Variants in PPFIA2 observed in about 807,000 individuals in gnomAD.
PPFIA2 encodes liprin-alpha-2.
In PPFIA2, 46 loss-of-function variants were observed where a neutral mutation model predicts 175.5. That is an observed-to-expected ratio of 0.26 (90% CI 0.21 to 0.34). PPFIA2 has a LOEUF of 0.34. PPFIA2 is among the 10% of genes least tolerant of loss of function. The probability of loss-of-function intolerance (pLI) is 1.00; values close to 1 mark genes in which losing one functional copy is unlikely to be tolerated. For synonymous variants in PPFIA2, 568 were observed against 511.4 expected (o/e 1.11, Z -1.49); for missense variants, 1,179 against 1,506.1 (o/e 0.78, Z 3.60).
intron 7 of PPFIA2, among the ~76,000 whole-genome samples, chr12:81,412,163 A>G (rs1174815583): frequency 6.6e-6 from 1 of 151,914 alleles, no homozygotes; most frequent in Non-Finnish European, 1.5e-5. Flanking sequence ...AATAACAAAG[A>G]CCATTAAATA....
At chr12:81,608,958 T>C (rs2060611911) in intron 4 of PPFIA2, among the ~76,000 whole-genome samples, 2 of 152,026 alleles carry the variant, frequency 1.3e-5, no homozygotes, top group Non-Finnish European at 2.9e-5. Flanking sequence ...TAACATTGCT[T>C]CAGTTGTATC....
intron 2 of PPFIA2, 78 bp downstream of exon 2, chr12:81,758,322 G>T (rs968557238): frequency 8.9e-6 from 4 of 450,734 alleles, no homozygotes; most frequent in Non-Finnish European, 1.8e-5. Flanking sequence ...CATCTTCCCT[G>T]GGGGCGGGGT....
chr12:81,645,749 G>A (rs544098069), intron 4 of PPFIA2, among the ~76,000 whole-genome samples: 270 of 152,304 alleles, frequency 1.8e-3, no homozygotes, highest in African/African-American at 6.3e-3. Flanking sequence ...GTAGTAGGGA[G>A]GCAAGTAACA....
At chr12:81,652,180 G>T (rs1483190436) in intron 4 of PPFIA2, among the ~76,000 whole-genome samples, 2 of 149,414 alleles carry the variant, frequency 1.3e-5, no homozygotes, top group Non-Finnish European at 3.0e-5. Context: ...TTTGTTTATA[G>T]CCTTCTTCAC....
chr12:81,624,925 A>G (rs4332596), intron 4 of PPFIA2, among the ~76,000 whole-genome samples: 69,241 of 150,840 alleles, frequency 0.46, 16,950 homozygotes, highest in Middle Eastern at 0.59. Context: ...ATTCACCACT[A>G]TGTAATTCAT....
chr12:81,566,871 T>C (rs138688026), intron 4 of PPFIA2, among the ~76,000 whole-genome samples: 4 of 152,322 alleles, frequency 2.6e-5, no homozygotes, highest in East Asian at 1.9e-4. Context: ...TACACTGACA[T>C]AGATGTATAT....
chr12:81,509,603 T>G (rs1212332327), intron 4 of PPFIA2, among the ~76,000 whole-genome samples: 1 of 87,860 alleles, frequency 1.1e-5, no homozygotes, highest in Non-Finnish European at 2.5e-5. Context: ...CCACCTAACC[T>G]TTTTTTTTTT....
At chr12:81,307,970 T>C (rs2049733390) in intron 22 of PPFIA2, among the ~76,000 whole-genome samples, 1 of 152,188 alleles carries the variant, frequency 6.6e-6, no homozygotes, top group African/African-American at 2.4e-5. Flanking sequence ...GCTTTATTTT[T>C]TTCTATTAAG....
intron 4 of PPFIA2, among the ~76,000 whole-genome samples, chr12:81,647,720 C>G (rs1016463669): frequency 2.0e-5 from 3 of 148,436 alleles, no homozygotes; most frequent in African/African-American, 7.5e-5. Flanking sequence ...AAGATCGTGC[C>G]ACTACACTCC....
At chr12:81,497,957 C>A (rs951903947) in intron 4 of PPFIA2, among the ~76,000 whole-genome samples, 1 of 152,146 alleles carries the variant, frequency 6.6e-6, no homozygotes, top group Non-Finnish European at 1.5e-5. Flanking sequence ...CTTTCCCAGG[C>A]CTTTCAATTA....
chr12:81,717,189 T>C (rs967480090), intron 3 of PPFIA2, among the ~76,000 whole-genome samples: 2 of 151,756 alleles, frequency 1.3e-5, no homozygotes, highest in Non-Finnish European at 2.9e-5. Context: ...TCATACACAT[T>C]ATATAAATGA....
chr12:81,420,176 T>C (rs1592706767), intron 7 of PPFIA2, among the ~76,000 whole-genome samples: 2 of 152,190 alleles, frequency 1.3e-5, no homozygotes, highest in African/African-American at 2.4e-5. Flanking sequence ...TACCTTCCCA[T>C]AGGTGAGGTC....
intron 3 of PPFIA2, among the ~76,000 whole-genome samples, chr12:81,690,727 T>C (rs941043122): frequency 1.9e-4 from 29 of 152,124 alleles, no homozygotes; most frequent in African/African-American, 7.0e-4. Flanking sequence ...AAATTTATTA[T>C]TTCACAGATT....
intron 19 of PPFIA2, among the ~76,000 whole-genome samples, chr12:81,343,145 A>G (rs977889779): frequency 2.0e-5 from 3 of 152,036 alleles, no homozygotes; most frequent in African/African-American, 7.2e-5. Flanking sequence ...ACTTTTCTTA[A>G]TGTAGTCTTT....
chr12:81,635,354 A>G (rs1430534625), intron 4 of PPFIA2, among the ~76,000 whole-genome samples: 24 of 152,230 alleles, frequency 1.6e-4, no homozygotes, highest in Non-Finnish European at 1.5e-5. Flanking sequence ...ATATATACAC[A>G]CACTCACTGT....
intron 28 of PPFIA2, among the ~76,000 whole-genome samples, chr12:81,270,420 A>G (rs1220089134): frequency 6.6e-6 from 1 of 152,184 alleles, no homozygotes; most frequent in Non-Finnish European, 1.5e-5. Context: ...CTTGGATATC[A>G]GGTCTTTATA....
intron 7 of PPFIA2, among the ~76,000 whole-genome samples, chr12:81,411,606 A>G (rs1334780794): frequency 1.3e-5 from 2 of 152,064 alleles, no homozygotes; most frequent in African/African-American, 4.8e-5. Context: ...ACCAGCTTGA[A>G]CACTACTATG....
intron 8 of PPFIA2, among the ~76,000 whole-genome samples, chr12:81,394,017 T>A (rs1440032622): frequency 1.3e-5 from 2 of 152,024 alleles, no homozygotes; most frequent in African/African-American, 2.4e-5. Flanking sequence ...TGGTGTTGGA[T>A]TTTGAGGGAA....
intron 7 of PPFIA2, among the ~76,000 whole-genome samples, chr12:81,411,149 T>C (rs968349177): frequency 1.3e-5 from 2 of 152,094 alleles, no homozygotes; most frequent in African/African-American, 4.8e-5. Context: ...CAGACAGACA[T>C]GGTAGAAGAC....
Sources: gnomAD v4.1 joint callset for allele counts (sites outside exome capture counted in the v4.1 genomes callset) on GRCh38, gnomAD v4.1.1 for gene constraint, MANE v1.5 for transcripts, NCBI Gene and HGNC (gene_info 2026-07-23, HGNC 2026-07-21) for gene names.